Variants in HSD17B12 observed in about 807,000 individuals in gnomAD.
HSD17B12 encodes the protein hydroxysteroid 17-beta dehydrogenase 12.
Under a neutral mutation model 39.3 loss-of-function variants are expected in HSD17B12, and 32 were observed. The observed-to-expected ratio is 0.81, with a 90% CI of 0.61 to 1.09. The LOEUF (loss-of-function observed/expected upper bound fraction) is 1.09, where lower values mean the gene tolerates loss of function less well. Ranked by LOEUF, HSD17B12 falls within the 50% of genes least tolerant of loss-of-function variation. The probability of loss-of-function intolerance (pLI) is 0.00; values close to 1 mark genes in which losing one functional copy is unlikely to be tolerated. For synonymous variants in HSD17B12, 150 were observed against 146.7 expected, an observed-to-expected ratio of 1.02 and a Z score of -0.16; for missense variants, 342 against 382.9, an observed-to-expected ratio of 0.89 and a Z score of 0.89.
intron 1 of HSD17B12, among the ~76,000 whole-genome samples, chr11:43,731,632 G>A (rs1470821051): frequency 6.6e-6 from 1 of 152,170 alleles, no homozygotes. Flanking sequence ...ATAAAGGGTT[G>A]CAGCCTGCAG....
chr11:43,816,263 G>C (rs1951121957), intron 5 of HSD17B12, 84 bp from the exon 6 acceptor site: 6 of 1,137,452 alleles, frequency 5.3e-6, no homozygotes, highest in Non-Finnish European at 7.2e-6. Context: ...AATGTTCAAT[G>C]CTTCTCTAGA....
the HSD17B12 span, among the ~76,000 whole-genome samples, chr11:43,660,749 A>G: frequency 6.6e-6 from 1 of 152,256 alleles, no homozygotes; most frequent in Non-Finnish European, 1.5e-5. Flanking sequence ...TGCTTTATCT[A>G]TAACAGGCAA....
the HSD17B12 span, among the ~76,000 whole-genome samples, chr11:43,595,381 A>G: frequency 1.3e-5 from 2 of 152,386 alleles, no homozygotes; most frequent in Middle Eastern, 6.8e-3. Context: ...AATTCAGATC[A>G]GCTGGTAAGT....
chr11:43,803,789 A>G lies in HSD17B12; in HGVS notation c.391+5362A>G, dbSNP rs554160218. On this transcript the variant is annotated intron_variant, in intron 4 of 10. Coordinates refer to ENST00000278353, the MANE Select transcript of HSD17B12 (RefSeq NM_016142.3). ...ATTCTTAACTCCGTTACTTAAAAAA[A>G]AACTAAGCATCTACTGTCTTCTTTC... 2.0e-5 allele frequency among the ~76,000 whole-genome samples: 3 copies of G among 152,338 alleles called. No homozygotes were observed. In the South Asian group the frequency reaches 6.2e-4, roughly 32 times the overall value.
chr11:43,833,703 T>G (rs1590338265), intron 7 of HSD17B12: 1 of 152,296 alleles, frequency 6.6e-6, no homozygotes, highest in East Asian at 1.9e-4. Flanking sequence ...CATTAGTATC[T>G]CCATTGAGTA....
At chr11:43,739,510 A>T (rs1950345491) in intron 1 of HSD17B12, among the ~76,000 whole-genome samples, 1 of 152,220 alleles carries the variant, frequency 6.6e-6, no homozygotes, top group East Asian at 1.9e-4. Flanking sequence ...TGTTTCCAGG[A>T]TGGCACCCTG....
At chr11:43,619,389 C>G in the HSD17B12 span, among the ~76,000 whole-genome samples, 1 of 119,632 alleles carries the variant, frequency 8.4e-6, no homozygotes, top group Non-Finnish European at 1.8e-5. Context: ...TTTTCTTTTT[C>G]TTTTCTTTTT....
chr11:43,595,753 A>G, the HSD17B12 span, among the ~76,000 whole-genome samples: 4 of 152,206 alleles, frequency 2.6e-5, no homozygotes, highest in South Asian at 6.2e-4. Context: ...TAATTCTTGA[A>G]CATATACGCT....
chr11:43,795,260 G>A (rs1950906383), intron 3 of HSD17B12, among the ~76,000 whole-genome samples: 1 of 152,134 alleles, frequency 6.6e-6, no homozygotes, highest in Non-Finnish European at 1.5e-5. Flanking sequence ...CCAAGTTCAA[G>A]CCTCCTGAGT....
At chr11:43,620,291 A>C in the HSD17B12 span, among the ~76,000 whole-genome samples, 107 of 152,302 alleles carry the variant, frequency 7.0e-4, 2 homozygotes, top group Middle Eastern at 0.01. Context: ...TATCATCCCC[A>C]TTTTATAGAT....
At chr11:43,611,077 T>C in the HSD17B12 span, among the ~76,000 whole-genome samples, 1 of 152,236 alleles carries the variant, frequency 6.6e-6, no homozygotes, top group Admixed American at 6.5e-5. Context: ...GCAGACTATC[T>C]ATTTGGTATA....
At chr11:43,655,352 C>T in the HSD17B12 span, among the ~76,000 whole-genome samples, 1 of 152,216 alleles carries the variant, frequency 6.6e-6, no homozygotes, top group Non-Finnish European at 1.5e-5. Flanking sequence ...CATCTGCAAA[C>T]AGGGACAATT....
the HSD17B12 span, among the ~76,000 whole-genome samples, chr11:43,601,500 CTT>C: frequency 3.7e-3 from 526 of 141,458 alleles, 8 homozygotes; most frequent in African/African-American, 0.013. Context: ...AGTTAAAGAG[CTT>C]TTTTTTTTTT....
At chr11:43,773,870 T>C (rs11606658) in intron 3 of HSD17B12, among the ~76,000 whole-genome samples, 59,479 of 152,130 alleles carry the variant, frequency 0.39, 12,746 homozygotes, top group East Asian at 0.68. Flanking sequence ...GAATAGAAAG[T>C]ATATTTTTTG....
the HSD17B12 span, among the ~76,000 whole-genome samples, chr11:43,563,834 G>A: frequency 6.6e-6 from 1 of 152,090 alleles, no homozygotes; most frequent in African/African-American, 2.4e-5. Context: ...ATAAGATCCA[G>A]AGAGTTTTAG....
At chr11:43,589,183 G>A in the HSD17B12 span, among the ~76,000 whole-genome samples, 3 of 152,066 alleles carry the variant, frequency 2.0e-5, no homozygotes, top group South Asian at 2.1e-4. Context: ...TCCTTTTCCC[G>A]CATATTTAAT....
intron 1 of HSD17B12, chr11:43,733,780 T>A: frequency 1.4e-6 from 1 of 694,086 alleles, no homozygotes; most frequent in East Asian, 3.5e-5. Context: ...AGTGTTTGAG[T>A]CCATTGGCAA....
rs150011913 is a variant in HSD17B12 at position 43,774,245 on chromosome 11, C to T, written c.283+20124C>T. Among the ~76,000 whole-genome samples the T allele has an allele frequency of 6.2e-3, 931 of 150,934 alleles. 10 individuals carry two copies. The highest frequency in any genetic ancestry group is 0.021 in the African/African-American group (877 of 41,048). ...TTTTTTTTTTTTTGAGATGGAGTCTCGCTCTGTCACCCAGCTGGAGTGCAG... is the reference window on the plus strand; with the variant it reads ...TTTTTTTTTTTTTGAGATGGAGTCTTGCTCTGTCACCCAGCTGGAGTGCAG... On this transcript the variant is annotated intron_variant, in intron 3 of 10. Transcript: ENST00000278353.
chr11:43,582,644 AC>A, the HSD17B12 span, among the ~76,000 whole-genome samples: 1 of 152,086 alleles, frequency 6.6e-6, no homozygotes, highest in Non-Finnish European at 1.5e-5. Flanking sequence ...CCGTATCACA[AC>A]CACCGTTCTT....
Sources: gnomAD v4.1 joint callset for allele counts (sites outside exome capture counted in the v4.1 genomes callset) on GRCh38, gnomAD v4.1.1 for gene constraint, MANE v1.5 for transcripts, NCBI Gene and HGNC (gene_info 2026-07-23, HGNC 2026-07-21) for gene names.